Variants in ATP2C2 observed in about 807,000 individuals in gnomAD.
ATP2C2 encodes the protein ATPase secretory pathway Ca2+ transporting 2.
A neutral mutation model predicts 110.8 loss-of-function variants in ATP2C2; 171 were observed. The ratio of observed to expected loss-of-function variants is 1.54; its 90% CI spans 1.36 to 1.75. The LOEUF (loss-of-function observed/expected upper bound fraction) is 1.75, where lower values mean the gene tolerates loss of function less well. Ranked by LOEUF, ATP2C2 falls within the 40% of genes most tolerant of loss-of-function variation. The probability of loss-of-function intolerance (pLI) is 0.00; values close to 1 mark genes in which losing one functional copy is unlikely to be tolerated. For synonymous variants in ATP2C2, 804 were observed against 508.4 expected (o/e 1.58, Z -7.82); for missense variants, 1,963 against 1,235.0 (o/e 1.59, Z -8.84).
chr16:84,425,887 C>G, intron 11 of ATP2C2, 86 bp downstream of exon 11: 3 of 1,510,906 alleles, frequency 2.0e-6, no homozygotes, highest in South Asian at 1.1e-5. Flanking sequence ...GGTGGGGAGG[C>G]TGCAGAATAG....
At chr16:84,370,845 A>G (rs144014823) in intron 1 of ATP2C2, among the ~76,000 whole-genome samples, 147 of 152,110 alleles carry the variant, frequency 9.7e-4, no homozygotes, top group Admixed American at 3.1e-3. Flanking sequence ...CCCAGTTCTA[A>G]TAGTGATTGT....
chr16:84,394,847 T>C (rs1904875985), intron 1 of ATP2C2, among the ~76,000 whole-genome samples: 1 of 152,160 alleles, frequency 6.6e-6, no homozygotes, highest in Non-Finnish European at 1.5e-5. Context: ...CGCTCATATT[T>C]GACCTCATCT....
chr16:84,432,304 C>T (rs917691277), intron 11 of ATP2C2, among the ~76,000 whole-genome samples: 2 of 152,086 alleles, frequency 1.3e-5, no homozygotes, highest in Non-Finnish European at 2.9e-5. Context: ...TTCTAGGATA[C>T]ATGTGCAGAA....
At chr16:84,463,365 C>T (rs1279474599) in intron 26 of ATP2C2, among the ~76,000 whole-genome samples, 2 of 152,152 alleles carry the variant, frequency 1.3e-5, no homozygotes, top group Admixed American at 6.5e-5. Flanking sequence ...AACATGCTCC[C>T]AGCTGCCTGC....
intron 1 of ATP2C2, among the ~76,000 whole-genome samples, chr16:84,379,853 A>G (rs1041946712): frequency 3.3e-5 from 5 of 152,178 alleles, no homozygotes; most frequent in South Asian, 2.1e-4. Flanking sequence ...TTACACACTG[A>G]GATAAACCCC....
At chr16:84,376,326 G>T (rs938799983) in intron 1 of ATP2C2, among the ~76,000 whole-genome samples, 1 of 152,182 alleles carries the variant, frequency 6.6e-6, no homozygotes, top group Admixed American at 6.5e-5. Flanking sequence ...CCAATAGCAG[G>T]AAGACACTTG....
chr16:84,391,720 C>G (rs1278168789), intron 1 of ATP2C2, among the ~76,000 whole-genome samples: 1 of 152,178 alleles, frequency 6.6e-6, no homozygotes, highest in African/African-American at 2.4e-5. Context: ...ATCTTGGTTT[C>G]AGAGTTTTAG....
At chr16:84,422,565 G>A in intron 8 of ATP2C2, 26 bp downstream of exon 8, 1 of 1,612,376 alleles carries the variant, frequency 6.2e-7, no homozygotes, top group Non-Finnish European at 8.5e-7. Context: ...CCGAGGCCTT[G>A]GGCTCCCGTA....
At chr16:84,432,989 C>A (rs569110052) in intron 11 of ATP2C2, among the ~76,000 whole-genome samples, 5 of 152,124 alleles carry the variant, frequency 3.3e-5, no homozygotes, top group Non-Finnish European at 7.3e-5. Flanking sequence ...GGTGACTGAG[C>A]CTTTGGAGGC....
chr16:84,422,365 C>T (rs1368351526), intron 7 of ATP2C2, 25 bp from the exon 8 acceptor site: 7 of 1,604,676 alleles, frequency 4.4e-6, no homozygotes, highest in East Asian at 2.2e-5. Context: ...AGAGATTCCA[C>T]AGCCTTTTCC....
At chr16:84,447,895 TA>T (rs1567733873) in intron 16 of ATP2C2, among the ~76,000 whole-genome samples, 1 of 67,826 alleles carries the variant, frequency 1.5e-5, no homozygotes, top group African/African-American at 3.8e-5. Context: ...TAATAACATA[TA>T]TAATTAATAT....
At position 84,464,177 on chromosome 16, in the gene ATP2C2, G is replaced by C. The variant is rs1056733669; in HGVS notation, c.*445G>C. 1.9e-5 allele frequency: 3 copies of C among 154,732 alleles called. No homozygotes were observed. Among genetic ancestry groups the C allele is most frequent in the East Asian group, 3.8e-4 (2 of 5,310 alleles). The allele number at this position is 154,732 out of a possible 1,614,324, so 9.6% of individuals were successfully genotyped here. On this transcript the variant is annotated 3_prime_UTR_variant, in exon 27 of 27. Transcript: ENST00000262429. ...GACTTTTAAATAAAGTGCTATGCCG[G>C]GGGATAATTATTTTGATGTGTTTAC...
chr16:84,384,200 G>A (rs1036614380), intron 1 of ATP2C2, among the ~76,000 whole-genome samples: 1 of 152,168 alleles, frequency 6.6e-6, no homozygotes, highest in Non-Finnish European at 1.5e-5. Flanking sequence ...GCGTTGTCCT[G>A]GTAACAGGGA....
chr16:84,458,426 C>A, intron 21 of ATP2C2, among the ~76,000 whole-genome samples: 1 of 139,030 alleles, frequency 7.2e-6, no homozygotes, highest in Admixed American at 7.2e-5. Flanking sequence ...AGCGCACCAG[C>A]ATGGCACATG....
chr16:84,397,430 C>T (rs1196716305), intron 1 of ATP2C2, among the ~76,000 whole-genome samples: 2 of 151,546 alleles, frequency 1.3e-5, no homozygotes, highest in Non-Finnish European at 2.9e-5. Flanking sequence ...TATATTGTTG[C>T]CCTACTCTGT....
intron 11 of ATP2C2, among the ~76,000 whole-genome samples, chr16:84,429,630 G>A (rs996449531): frequency 1.3e-5 from 2 of 152,196 alleles, no homozygotes; most frequent in Admixed American, 6.5e-5. Flanking sequence ...AGGTCTCAGT[G>A]GGGATGGAGA....
intron 1 of ATP2C2, among the ~76,000 whole-genome samples, chr16:84,379,405 A>G (rs1325571512): frequency 1.1e-4 from 16 of 152,130 alleles, no homozygotes; most frequent in Admixed American, 1.0e-3. Context: ...GGCTCAAGAG[A>G]TCTGTCCACC....
chr16:84,422,256 T>C (rs1345756164), intron 7 of ATP2C2, 134 bp from the exon 8 acceptor site: 2 of 1,074,974 alleles, frequency 1.9e-6, no homozygotes, highest in East Asian at 4.9e-5. Context: ...AGGCCGTCGT[T>C]GTGACACTCA....
intron 11 of ATP2C2, among the ~76,000 whole-genome samples, chr16:84,434,013 C>T (rs894976055): frequency 9.9e-5 from 15 of 152,160 alleles, no homozygotes; most frequent in African/African-American, 3.4e-4. Context: ...AGATTAAAGC[C>T]GCTGAAAGCC....
Sources: gnomAD v4.1 joint callset for allele counts (sites outside exome capture counted in the v4.1 genomes callset) on GRCh38, gnomAD v4.1.1 for gene constraint, MANE v1.5 for transcripts, NCBI Gene and HGNC (gene_info 2026-07-23, HGNC 2026-07-21) for gene names.